MROH2A: variants seen among roughly 807,000 people sequenced by gnomAD.
MROH2A encodes maestro heat-like repeat-containing protein family member 2A.
In MROH2A, 174 loss-of-function variants were observed where a neutral mutation model predicts 200.4. That is an observed-to-expected ratio of 0.87 (90% CI 0.77 to 0.98). The LOEUF (loss-of-function observed/expected upper bound fraction) is 0.98, where lower values mean the gene tolerates loss of function less well. Among genes scored for constraint, MROH2A ranks in the 50% least tolerant of loss-of-function variants. The pLI is 0.00. For missense variants in MROH2A, 2,045 were observed against 2,139.6 expected, an observed-to-expected ratio of 0.96 and a Z score of 0.87; for synonymous variants, 829 against 840.4, an observed-to-expected ratio of 0.99 and a Z score of 0.23.
chr2:233,800,635 G>GTA (rs1205299157), intron 14 of MROH2A, among the ~76,000 whole-genome samples: 4 of 119,216 alleles, frequency 3.4e-5, no homozygotes, highest in African/African-American at 1.8e-4. Context: ...GTGTGTATGT[G>GTA]TGTGTGTGTG....
chr2:233,830,015 C>T (rs28900697), intron 38 of MROH2A, among the ~76,000 whole-genome samples: 5 of 152,172 alleles, frequency 3.3e-5, no homozygotes, highest in South Asian at 4.2e-4. Context: ...AGCCCCGTGT[C>T]GGGGGACATG....
intron 4 of MROH2A, 98 bp downstream of exon 4, chr2:233,789,726 C>T (rs76142791): frequency 0.014 from 20,854 of 1,449,646 alleles, 176 homozygotes; most frequent in Middle Eastern, 0.027. Context: ...GTGCAGTTAC[C>T]TCTCAGAGCA....
At chr2:233,785,009 G>T (rs545617104) in intron 3 of MROH2A, among the ~76,000 whole-genome samples, 1 of 152,220 alleles carries the variant, frequency 6.6e-6, no homozygotes, top group East Asian at 1.9e-4. Context: ...AGCCAGGCGT[G>T]GTGGTGCACG....
chr2:233,787,869 AC>A (rs1701387125), intron 3 of MROH2A, among the ~76,000 whole-genome samples: 1 of 50,184 alleles, frequency 2.0e-5, no homozygotes, highest in Non-Finnish European at 3.4e-5. Flanking sequence ...TATTATATAT[AC>A]ATATATATTA....
At chr2:233,808,055 G>A (rs1481486199) in intron 21 of MROH2A, among the ~76,000 whole-genome samples, 200 bp downstream of exon 21, 4 of 152,200 alleles carry the variant, frequency 2.6e-5, no homozygotes, top group Non-Finnish European at 5.9e-5. Flanking sequence ...AAAATGCAGG[G>A]TGGGCCTTTC....
In MROH2A at chr2:233,813,707, G is replaced by C; in HGVS notation, c.2689G>C (p.Glu897Gln). The change falls in exon 25 of 42, where the codon GAG (glutamate) becomes CAG (glutamine). Residue 897 changes from glutamate to glutamine, a missense_variant. Transcript: ENST00000389758. ...KPFYSTEENS[E>Q]LMDISIHSVI... is the part of the protein sequence containing the mutation. ...TTTCTACTCCACAGAGGAAAACAGT[G>C]AGCTGATGGATATCAGCATACATTC... 1 of 1,550,178 alleles carries C rather than the reference G, an allele frequency of 6.5e-7. No homozygotes were observed. The highest frequency in any genetic ancestry group is 8.7e-7 in the Non-Finnish European group (1 of 1,146,680).
At chr2:233,799,966 G>A (rs1702352454) in intron 13 of MROH2A, 67 bp downstream of exon 13, 2 of 1,541,508 alleles carry the variant, frequency 1.3e-6, no homozygotes, top group East Asian at 2.4e-5. Context: ...AGTGCTGAGG[G>A]GAGAATGCCA....
rs1704850474 is a variant in MROH2A, at chr2:233,832,659, G to A, written c.4903+15G>A. 2 of 1,535,632 alleles carry A rather than the reference G, an allele frequency of 1.3e-6. No homozygotes were observed. Among genetic ancestry groups the A allele is most frequent in the South Asian group, 1.2e-5 (1 of 83,814 alleles). ...ATTACGGAATTGTGAGTAGTGGAGA[G>A]TGTTAGATGTTGAGTCCACGACTCA... On this transcript the variant is annotated intron_variant, in intron 41 of 41. Transcript: ENST00000389758.
At chr2:233,795,775 G>T (rs1342800811) in intron 9 of MROH2A, 30 bp downstream of exon 9, 9 of 1,550,752 alleles carry the variant, frequency 5.8e-6, no homozygotes, top group African/African-American at 1.4e-5. Flanking sequence ...CTGGACAAGG[G>T]CATTCTCTGG....
intron 5 of MROH2A, among the ~76,000 whole-genome samples, chr2:233,791,427 A>G (rs535384867): frequency 6.6e-6 from 1 of 152,202 alleles, no homozygotes; most frequent in Non-Finnish European, 1.5e-5. Flanking sequence ...AGCTAGAAGC[A>G]CTGAGAGTTG....
rs1456121831 is a variant in MROH2A at position 233,787,768 on chromosome 2, AC to A, written c.277-1728del. On this transcript the variant is annotated intron_variant, in intron 3 of 41. Transcript: ENST00000389758. ...TATATATATTATATATATCATATAT[AC>A]ATATATATTATATATATCATATATA... is the stretch of plus-strand genomic sequence containing the variant. Among the ~76,000 whole-genome samples the A allele has an allele frequency of 2.4e-3, 68 of 28,006 alleles. 10 individuals carry two copies. The highest frequency in any genetic ancestry group is 5.3e-3 in the South Asian group (3 of 570). 18.4% of individuals were successfully genotyped at this position (28,006 alleles called of 152,430 possible).
rs1229980021 is a variant in MROH2A at position 233,819,921 on chromosome 2, C to A, written c.3377C>A (p.Ala1126Asp). The A allele has an allele frequency of 6.6e-7, 1 of 1,524,482 alleles. No individual in the cohort carries two copies. 94.4% of individuals were successfully genotyped at this position (1,524,482 alleles called of 1,614,324 possible). A position where few individuals can be genotyped will look rare whatever the true frequency, so the allele number is the denominator to read the frequency against. ...ACCTAGGTGGCCGAGATCCTGAGTG[C>A]CATCCTGGTGCACCTGCCGGTGGTG... Reference protein sequence around the residue: ...LEDKVAEILSAILVHLPVVDH... With the variant: ...LEDKVAEILSDILVHLPVVDH... The change falls in exon 31 of 42, where the codon GCC (alanine) becomes GAC (aspartate). Residue 1126 changes from alanine to aspartate, a missense_variant. By Grantham distance (126) the Ala-to-Asp change is moderately radical (BLOSUM62 -2). Around this residue, in one of 3 missense-constraint regions of MROH2A, gnomAD observed 1,201 missense variants for 1,311.3 expected, o/e 0.92. Coordinates refer to ENST00000389758, the MANE Select transcript of MROH2A (RefSeq NM_001394639.1).
At position 233,828,788 on chromosome 2, in the gene MROH2A, C is replaced by T. The variant is rs549248476; in HGVS notation, c.4263+9C>T. On this transcript the variant is annotated intron_variant, in intron 36 of 41. Coordinates refer to ENST00000389758, the MANE Select transcript of MROH2A (RefSeq NM_001394639.1). This position sits in a 1 kb window ranked among gnomAD's most constrained non-coding sequence, Gnocchi z 4.6. ...TGGGCGCCCCCAAGAAGGTACTGTG[C>T]CTGGCCCTGGGCCCAGGTCCCGGGA... 2 of 1,549,808 alleles carry T rather than the reference C, an allele frequency of 1.3e-6. No homozygotes were observed. The highest frequency in any genetic ancestry group is 1.7e-6 in the Non-Finnish European group (2 of 1,146,518).
chr2:233,825,324 G>T (rs1704231199), intron 35 of MROH2A, among the ~76,000 whole-genome samples: 1 of 152,124 alleles, frequency 6.6e-6, no homozygotes, highest in East Asian at 1.9e-4. Context: ...TCTTTCTCTT[G>T]CCTGATTGCC....
At chr2:233,803,571 GC>G in intron 16 of MROH2A, 83 bp downstream of exon 16, 1 of 1,442,254 alleles carries the variant, frequency 6.9e-7, no homozygotes, top group Non-Finnish European at 9.5e-7. Flanking sequence ...AATTCCCAGA[GC>G]CCCAGGGGTA....
In MROH2A at chr2:233,828,716, C is replaced by T. The variant is rs750559951; in HGVS notation, c.4200C>T (p.Asp1400=). 3.0e-5 allele frequency: 47 copies of T among 1,550,546 alleles called. No homozygotes were observed. The highest frequency in any genetic ancestry group is 5.5e-5 in the African/African-American group (4 of 73,066). Reference sequence around the variant, plus strand: ...AGAAGGGTGCCGACCAGGAGGAAGACGAGGCCCTGCGGGTGCTGTCCCTGC... The same window carrying T: ...AGAAGGGTGCCGACCAGGAGGAAGATGAGGCCCTGCGGGTGCTGTCCCTGC... The part of the protein sequence containing the change: ...LLEKGADQEE[D]EALRVLSLRA... Residue 1400 remains aspartate, a synonymous_variant, in exon 36 of 42, where the codon GAC becomes GAT. Transcript: ENST00000389758. The surrounding 1 kb of genome is among the most constrained non-coding windows in gnomAD (Gnocchi z 4.6).
At position 233,822,370 on chromosome 2, in the gene MROH2A, G is replaced by A; in HGVS notation, c.3680G>A (p.Cys1227Tyr). ...LAAVDPLMTL[C>Y]TIHLLIQKLD... ...TGGACCTTCTCTCTGCAGACCCTGT[G>A]CACCATCCACCTTCTCATTCAGAAG... The change falls in exon 33 of 42, where the codon TGC (cysteine) becomes TAC (tyrosine). Residue 1227 changes from cysteine to tyrosine, a missense_variant. Cys to Tyr is a radical substitution (Grantham distance 194, BLOSUM62 -2). Around this residue, in one of 3 missense-constraint regions of MROH2A, gnomAD observed 1,201 missense variants for 1,311.3 expected, o/e 0.92. Transcript: ENST00000389758. The A allele has an allele frequency of 6.4e-7, 1 of 1,550,924 alleles. No homozygotes were observed. Among genetic ancestry groups the A allele is most frequent in the Admixed American group, 2.0e-5 (1 of 51,010 alleles).
chr2:233,832,545 C>A, intron 40 of MROH2A, 34 bp from the exon 41 acceptor site: 1 of 1,451,664 alleles, frequency 6.9e-7, no homozygotes, highest in Non-Finnish European at 9.5e-7. Flanking sequence ...ACCTAATACT[C>A]GCGTGATGAG....
chr2:233,829,306 G>A (rs1465524228), intron 37 of MROH2A, among the ~76,000 whole-genome samples: 1 of 152,054 alleles, frequency 6.6e-6, no homozygotes, highest in Admixed American at 6.6e-5. Context: ...AGGAGGGAAG[G>A]GTCTCCCCCT....
Sources: allele counts gnomAD v4.1 joint callset (sites outside exome capture counted in the v4.1 genomes callset), GRCh38; gene constraint gnomAD v4.1.1; regional missense constraint gnomAD v4.1.1; non-coding constraint Gnocchi (gnomAD v3.1); transcripts MANE v1.5; gene names NCBI Gene and HGNC (gene_info 2026-07-23, HGNC 2026-07-21).